The following PCDHA6 variants were observed in gnomAD, a reference collection of about 807,000 sequenced individuals.
PCDHA6 encodes the protein protocadherin alpha-6.
Under a neutral mutation model 60.3 loss-of-function variants are expected in PCDHA6, and 55 were observed. That is an observed-to-expected ratio of 0.91 (90% CI 0.73 to 1.14). PCDHA6 has a LOEUF of 1.14. Among genes scored for constraint, PCDHA6 ranks in the 50% most tolerant of loss-of-function variants. The pLI is 0.00. For synonymous variants in PCDHA6, 652 were observed against 557.9 expected (o/e 1.17, Z -2.38); for missense variants, 1,327 against 1,256.5 (o/e 1.06, Z -0.85).
At chr5:140,887,955 CT>C (rs2061644555) in intron 1 of PCDHA6, among the ~76,000 whole-genome samples, 1 of 152,088 alleles carries the variant, frequency 6.6e-6, no homozygotes, top group Non-Finnish European at 1.5e-5. Flanking sequence ...GTATAAGATT[CT>C]TTTTGTCTCT....
At chr5:140,872,797 C>T (rs2153276720) in intron 1 of PCDHA6, among the ~76,000 whole-genome samples, 1 of 152,196 alleles carries the variant, frequency 6.6e-6, no homozygotes, top group South Asian at 2.1e-4. Flanking sequence ...AGTTGGCATT[C>T]TTCCATAAGT....
chr5:140,846,373 CT>C (rs2150388509), intron 1 of PCDHA6, among the ~76,000 whole-genome samples: 2,055 of 55,084 alleles, frequency 0.037, 29 homozygotes, highest in African/African-American at 0.088. Flanking sequence ...TTCTTTCTTT[CT>C]TTTTTTTTTT....
chr5:140,962,034 C>T (rs527918306), intron 1 of PCDHA6, among the ~76,000 whole-genome samples: 1 of 152,172 alleles, frequency 6.6e-6, no homozygotes, highest in South Asian at 2.1e-4. Context: ...CAGGCACCCA[C>T]CACCATGCCT....
rs577527606 is a variant in PCDHA6 at position 140,882,595 on chromosome 5, C to A, written c.2394+52110C>A. 3.7e-6 allele frequency: 6 copies of A among 1,614,204 alleles called. No individual in the cohort carries two copies. The African/African-American group carries it at 8.0e-5, about 22-fold the overall frequency. On this transcript the variant is annotated intron_variant, in intron 1 of 3. Coordinates refer to ENST00000529310, the MANE Select transcript of PCDHA6 (RefSeq NM_018909.4). ...AGTGCAGCATCCACCTGGAGGTGAT[C>A]GTGGACAGGCCTCTGCAGGTTTTCC...
At chr5:140,863,062 G>A (rs62384481) in intron 1 of PCDHA6, 2 of 565,590 alleles carry the variant, frequency 3.5e-6, no homozygotes, top group South Asian at 1.4e-5. Context: ...CCCGTTCCAC[G>A]TGGGGCTCTG....
At chr5:140,975,439 T>C (rs1376325988) in intron 1 of PCDHA6, among the ~76,000 whole-genome samples, 2 of 152,222 alleles carry the variant, frequency 1.3e-5, no homozygotes, top group Non-Finnish European at 2.9e-5. Context: ...CACCAGGATA[T>C]AGGGATCTTG....
chr5:140,842,051 C>T (rs2150328197), intron 1 of PCDHA6: 3 of 1,613,736 alleles, frequency 1.9e-6, no homozygotes, highest in Non-Finnish European at 2.5e-6. Flanking sequence ...CACTTTCGAA[C>T]AGTCTGAATA....
At chr5:140,884,173 C>T in intron 1 of PCDHA6, 1 of 1,613,432 alleles carries the variant, frequency 6.2e-7, no homozygotes, top group Non-Finnish European at 8.5e-7. Context: ...GCACGACGCG[C>T]CCTCTGGACG....
rs529585383 is a variant in PCDHA6 at position 140,982,571 on chromosome 5, G to T, written c.2542+8G>T. 243 of 1,613,888 alleles carry T rather than the reference G, an allele frequency of 1.5e-4. 4 individuals carry two copies. The South Asian group carries it at 2.5e-3, about 17-fold the overall frequency. ...TATCCAGTGCAACACCAGGTAAAGAGCTGGGGTCTCTCCATTCTTTCTTGG... is the reference window on the plus strand; with the variant it reads ...TATCCAGTGCAACACCAGGTAAAGATCTGGGGTCTCTCCATTCTTTCTTGG... On this transcript the variant is annotated splice_region_variant and intron_variant, in intron 3 of 3. Transcript: ENST00000529310.
chr5:140,986,572 G>T (rs1587171327), intron 3 of PCDHA6, among the ~76,000 whole-genome samples: 1 of 152,268 alleles, frequency 6.6e-6, no homozygotes, highest in East Asian at 1.9e-4. Context: ...TCTGTTATTG[G>T]TTTTTCCAGC....
intron 1 of PCDHA6, chr5:140,882,939 G>T: frequency 2.5e-6 from 4 of 1,614,164 alleles, no homozygotes; most frequent in Non-Finnish European, 3.4e-6. Context: ...GAGCTGACTG[G>T]CACAGTTCAG....
intron 3 of PCDHA6, among the ~76,000 whole-genome samples, chr5:140,994,117 G>C (rs889813029): frequency 6.6e-6 from 1 of 152,198 alleles, no homozygotes; most frequent in Non-Finnish European, 1.5e-5. Flanking sequence ...ATTGTCATGT[G>C]ATAAGGGCGA....
At chr5:140,871,299 G>C (rs782459625) in intron 1 of PCDHA6, 1 of 1,613,916 alleles carries the variant, frequency 6.2e-7, no homozygotes, top group Non-Finnish European at 8.5e-7. Context: ...GCGCGTGCGC[G>C]CCGGGGAAGC....
chr5:140,947,738 T>C (rs2153680991), intron 1 of PCDHA6, among the ~76,000 whole-genome samples: 1 of 151,740 alleles, frequency 6.6e-6, no homozygotes, highest in South Asian at 2.1e-4. Context: ...GTAATACCTA[T>C]TCTTATGTAT....
At chr5:140,966,687 G>A in intron 1 of PCDHA6, 1 of 1,340,546 alleles carries the variant, frequency 7.5e-7, no homozygotes, top group East Asian at 2.9e-5. Flanking sequence ...ACGAGCGGAG[G>A]CGGGGCCCGG....
intron 1 of PCDHA6, chr5:140,869,389 T>G (rs949262123): frequency 1.9e-6 from 3 of 1,614,180 alleles, no homozygotes; most frequent in Admixed American, 3.3e-5. Flanking sequence ...CGAGGAGCTG[T>G]GCGGGCAGAG....
At chr5:140,989,940 G>A (rs947716591) in intron 3 of PCDHA6, among the ~76,000 whole-genome samples, 9 of 152,062 alleles carry the variant, frequency 5.9e-5, no homozygotes, top group Admixed American at 1.3e-4. Flanking sequence ...GACATTCCAC[G>A]TTTTTCTCGG....
At chr5:140,849,816 G>A (rs2150451582) in intron 1 of PCDHA6, 4 of 1,598,578 alleles carry the variant, frequency 2.5e-6, no homozygotes, top group East Asian at 2.2e-5. Flanking sequence ...CACGGCCAGG[G>A]TGTCTGTGGA....
intron 1 of PCDHA6, among the ~76,000 whole-genome samples, chr5:140,918,002 A>G (rs2153546564): frequency 1.3e-5 from 2 of 152,244 alleles, no homozygotes; most frequent in South Asian, 4.2e-4. Context: ...TATCTTAACA[A>G]TGTTGTTTCT....
Sources: allele counts gnomAD v4.1 joint callset (sites outside exome capture counted in the v4.1 genomes callset), GRCh38; gene constraint gnomAD v4.1.1; transcripts MANE v1.5; gene names NCBI Gene and HGNC (gene_info 2026-07-23, HGNC 2026-07-21).